Variants in GFOD1 observed in about 807,000 individuals in gnomAD.
The protein encoded by GFOD1 is glucose-fructose oxidoreductase domain-containing protein 1.
GFOD1 carries 9 observed loss-of-function variants against 25.4 expected under a neutral mutation model. That is an observed-to-expected ratio of 0.35 (90% confidence interval 0.21 to 0.62). The LOEUF (loss-of-function observed/expected upper bound fraction) is 0.62, where lower values mean the gene tolerates loss of function less well. GFOD1 is among the 20% of genes least tolerant of loss of function. The probability of loss-of-function intolerance (pLI) is 0.72; values close to 1 mark genes in which losing one functional copy is unlikely to be tolerated. For synonymous variants in GFOD1, 253 were observed against 245.6 expected (o/e 1.03, Z -0.28); for missense variants, 403 against 556.9 (o/e 0.72, Z 2.78).
At chr6:13,411,230 G>A (rs762850343) in intron 1 of GFOD1, among the ~76,000 whole-genome samples, 25 of 152,152 alleles carry the variant, frequency 1.6e-4, no homozygotes, top group Non-Finnish European at 1.0e-4. Flanking sequence ...AATCCAACCC[G>A]TGGCTCCAGG....
chr6:13,390,537 G>A (rs1785567905), intron 1 of GFOD1, among the ~76,000 whole-genome samples: 1 of 152,036 alleles, frequency 6.6e-6, no homozygotes, highest in African/African-American at 2.4e-5. Context: ...ACCAACCTGG[G>A]CAACACAGCG....
At chr6:13,454,398 A>G (rs941510197) in intron 1 of GFOD1, among the ~76,000 whole-genome samples, 3 of 152,264 alleles carry the variant, frequency 2.0e-5, no homozygotes, top group South Asian at 2.1e-4. Context: ...AGCAATGCCA[A>G]TACATAATCC....
chr6:13,455,143 C>T (rs980854714), intron 1 of GFOD1, among the ~76,000 whole-genome samples: 1 of 152,176 alleles, frequency 6.6e-6, no homozygotes, highest in East Asian at 1.9e-4. Flanking sequence ...CGCACACACA[C>T]TGGCTCTTGT....
At chr6:13,451,625 A>G (rs897961895) in intron 1 of GFOD1, among the ~76,000 whole-genome samples, 17 of 152,292 alleles carry the variant, frequency 1.1e-4, no homozygotes, top group Admixed American at 2.6e-4. Flanking sequence ...GGGCGGCCAA[A>G]GGCCAAGCAG....
chr6:13,365,046 A>C lies in GFOD1; in HGVS notation c.870T>G (p.Leu290=), dbSNP rs1471674912. The C allele has an allele frequency of 6.2e-7, 1 of 1,610,796 alleles. No individual in the cohort carries two copies. Residue 290 remains leucine (L), a synonymous_variant, in exon 2 of 2, where the codon CTT becomes CTG. Coordinates refer to ENST00000379287, the MANE Select transcript of GFOD1 (RefSeq NM_018988.4). This position sits in a 1 kb window ranked among gnomAD's most constrained non-coding sequence, Gnocchi z 9.2. Reference sequence around the variant, plus strand: ...GGATGTCGCTGAAGGCCTTCTCCGGAAGCAGGGAGTTGCTCACCGGCGTGG... The same window carrying C: ...GGATGTCGCTGAAGGCCTTCTCCGGCAGCAGGGAGTTGCTCACCGGCGTGG... ...QDATPVSNSL[L]PEKAFSDIPS...
intron 1 of GFOD1, among the ~76,000 whole-genome samples, chr6:13,416,101 G>A (rs938892343): frequency 6.6e-6 from 1 of 152,132 alleles, no homozygotes; most frequent in Non-Finnish European, 1.5e-5. Context: ...CATGAGATCC[G>A]ATGGTTTAAA....
At position 13,360,402 on chromosome 6, in the gene GFOD1, G is replaced by A. The variant is rs1784929083; in HGVS notation, c.*4341C>T. On this transcript the variant is annotated 3_prime_UTR_variant, in exon 2 of 2. Coordinates refer to ENST00000379287, the MANE Select transcript of GFOD1 (RefSeq NM_018988.4). ...TATGAGACAAGATGAAGAGAGTAGGGGTGCAAAGAAAGGTGCAGTGCACAG... is the reference window on the plus strand; with the variant it reads ...TATGAGACAAGATGAAGAGAGTAGGAGTGCAAAGAAAGGTGCAGTGCACAG... 1 of 322,166 alleles carries A rather than the reference G, an allele frequency of 3.1e-6. No homozygotes were observed. 20.0% of individuals were successfully genotyped at this position (322,166 alleles called of 1,614,324 possible). A position where few individuals can be genotyped will look rare whatever the true frequency, so the allele number is the denominator to read the frequency against.
At chr6:13,444,351 T>A (rs1757967279) in intron 1 of GFOD1, among the ~76,000 whole-genome samples, 1 of 149,634 alleles carries the variant, frequency 6.7e-6, no homozygotes, top group Admixed American at 6.7e-5. Context: ...GACACGCGGG[T>A]CTCCTTACGG....
chr6:13,469,210 A>T, intron 1 of GFOD1: 1 of 983,162 alleles, frequency 1.0e-6, no homozygotes, highest in Non-Finnish European at 1.2e-6. Context: ...TGTTGGTAAC[A>T]GCACCACACT....
At chr6:13,447,240 CCT>C (rs1229908042) in intron 1 of GFOD1, among the ~76,000 whole-genome samples, 1 of 152,122 alleles carries the variant, frequency 6.6e-6, no homozygotes, top group East Asian at 1.9e-4. Context: ...CTGCTCCAGG[CCT>C]CTCTCCTATC....
chr6:13,391,254 G>C (rs1292805223), intron 1 of GFOD1, among the ~76,000 whole-genome samples: 1 of 152,124 alleles, frequency 6.6e-6, no homozygotes, highest in Non-Finnish European at 1.5e-5. Flanking sequence ...GTGCTAGCTA[G>C]CTACCAAAAC....
chr6:13,475,937 A>G (rs1002207144), intron 1 of GFOD1, among the ~76,000 whole-genome samples: 1 of 152,002 alleles, frequency 6.6e-6, no homozygotes, highest in African/African-American at 2.4e-5. Context: ...AAAGACTGAC[A>G]ATACCAAGTG....
Position 13,360,297 on chromosome 6 carries a change from G to T in GFOD1, c.*4446C>A, listed in dbSNP as rs189462370. Reference sequence around the variant, plus strand: ...GAAAATCATTAACAAAGCTGATTCTGCCCCCAGTACCCACCAGAATGCAAG... The same window carrying T: ...GAAAATCATTAACAAAGCTGATTCTTCCCCCAGTACCCACCAGAATGCAAG... On this transcript the variant is annotated 3_prime_UTR_variant, in exon 2 of 2. Transcript: ENST00000379287. 1.6e-5 allele frequency: 3 copies of T among 182,174 alleles called. No individual in the cohort carries two copies. Among genetic ancestry groups the T allele is most frequent in the Non-Finnish European group, 1.2e-5 (1 of 85,462 alleles). The allele number at this position is 182,174 out of a possible 1,614,324, so 11.3% of individuals were successfully genotyped here.
intron 1 of GFOD1, among the ~76,000 whole-genome samples, chr6:13,433,655 G>A (rs1757787203): frequency 6.6e-6 from 1 of 152,168 alleles, no homozygotes; most frequent in Non-Finnish European, 1.5e-5. Flanking sequence ...TTCATGTGGG[G>A]TTGGGGTGGG....
At chr6:13,403,824 C>T (rs1012597304) in intron 1 of GFOD1, among the ~76,000 whole-genome samples, 2 of 152,112 alleles carry the variant, frequency 1.3e-5, no homozygotes, top group African/African-American at 4.8e-5. Context: ...AAAGGCAAAT[C>T]TATAGAAACA....
At chr6:13,377,777 C>A (rs1785283190) in intron 1 of GFOD1, among the ~76,000 whole-genome samples, 1 of 152,174 alleles carries the variant, frequency 6.6e-6, no homozygotes, top group South Asian at 2.1e-4. Flanking sequence ...GCTCTAGAAA[C>A]CCCCACAGAG....
intron 1 of GFOD1, among the ~76,000 whole-genome samples, chr6:13,477,216 G>GTGT (rs869069113): frequency 0.28 from 39,778 of 140,592 alleles, 6,192 homozygotes; most frequent in Middle Eastern, 0.36. Flanking sequence ...ACCAATAGGG[G>GTGT]GTGTGTGTGT....
chr6:13,486,295 G>T, intron 1 of GFOD1: 1 of 349,772 alleles, frequency 2.9e-6, no homozygotes, highest in Non-Finnish European at 4.9e-6. Flanking sequence ...CACAGCTGAG[G>T]AGTAACTTTC....
rs1784946650 is a variant in GFOD1, at chr6:13,361,519, A to T, written c.*3224T>A. ...TCCTAGGTCAAAGTCAGCTGTGGGT[A>T]CCCAGACCCCTAAAGGCATGATGAA... On this transcript the variant is annotated 3_prime_UTR_variant, in exon 2 of 2. Transcript: ENST00000379287. The T allele has an allele frequency of 6.5e-6, 1 of 153,138 alleles. No individual in the cohort carries two copies. Among genetic ancestry groups the T allele is most frequent in the Admixed American group, 6.5e-5 (1 of 15,406 alleles). 9.5% of individuals were successfully genotyped at this position (153,138 alleles called of 1,614,324 possible).
Sources: gnomAD v4.1 joint callset for allele counts (sites outside exome capture counted in the v4.1 genomes callset) on GRCh38, gnomAD v4.1.1 for gene constraint, Gnocchi (gnomAD v3.1) non-coding constraint, MANE v1.5 for transcripts, NCBI Gene and HGNC (gene_info 2026-07-23, HGNC 2026-07-21) for gene names.